Variants in UBE2E2 observed in about 807,000 individuals in gnomAD.
The protein encoded by UBE2E2 is ubiquitin-conjugating enzyme E2 E2.
In UBE2E2, 6 loss-of-function variants were observed where a neutral mutation model predicts 24.7. The observed-to-expected ratio is 0.24, with a 90% CI of 0.13 to 0.48. UBE2E2 has a LOEUF of 0.48. UBE2E2 is among the 20% of genes least tolerant of loss of function. The probability of loss-of-function intolerance (pLI) is 0.99; values close to 1 mark genes in which losing one functional copy is unlikely to be tolerated. For missense variants in UBE2E2, 169 were observed against 245.0 expected, an observed-to-expected ratio of 0.69 and a Z score of 2.07; for synonymous variants, 104 against 83.6, an observed-to-expected ratio of 1.24 and a Z score of -1.33.
At chr3:23,354,630 G>T (rs1291490736) in intron 3 of UBE2E2, among the ~76,000 whole-genome samples, 3 of 152,200 alleles carry the variant, frequency 2.0e-5, no homozygotes, top group Non-Finnish European at 4.4e-5. Context: ...GTGAAAAAAT[G>T]CTCACCATCA....
chr3:23,361,348 A>C (rs997468996), intron 3 of UBE2E2, among the ~76,000 whole-genome samples: 3 of 152,100 alleles, frequency 2.0e-5, no homozygotes, highest in Middle Eastern at 3.4e-3. Flanking sequence ...AAGGAAAATA[A>C]GTCATTATGT....
At chr3:23,543,168 T>C (rs879717856) in intron 5 of UBE2E2, among the ~76,000 whole-genome samples, 8 of 152,012 alleles carry the variant, frequency 5.3e-5, no homozygotes, top group Non-Finnish European at 1.0e-4. Context: ...AACAAACACT[T>C]TTACCACTTC....
chr3:23,264,241 C>G (rs563287170), intron 3 of UBE2E2, among the ~76,000 whole-genome samples: 12 of 151,290 alleles, frequency 7.9e-5, no homozygotes, highest in Non-Finnish European at 1.5e-4. Context: ...ATAAGTGTCC[C>G]AAGTGGAAGA....
chr3:23,418,531 C>G (rs1268434280), intron 3 of UBE2E2, among the ~76,000 whole-genome samples: 1 of 152,156 alleles, frequency 6.6e-6, no homozygotes, highest in African/African-American at 2.4e-5. Flanking sequence ...TTAGTAAAGA[C>G]GGGGTTTTAC....
At chr3:23,351,792 T>G (rs1695760066) in intron 3 of UBE2E2, among the ~76,000 whole-genome samples, 1 of 152,086 alleles carries the variant, frequency 6.6e-6, no homozygotes, top group South Asian at 2.1e-4. Context: ...ATGGGAGACT[T>G]TAACACCCCG....
intron 3 of UBE2E2, among the ~76,000 whole-genome samples, chr3:23,253,924 T>G (rs1161460877): frequency 6.6e-6 from 1 of 152,166 alleles, no homozygotes; most frequent in East Asian, 1.9e-4. Flanking sequence ...TGATCTTTCT[T>G]CTGACCTCTC....
chr3:23,223,968 T>G (rs1350212080), intron 3 of UBE2E2, among the ~76,000 whole-genome samples: 1 of 152,172 alleles, frequency 6.6e-6, no homozygotes, highest in Admixed American at 6.5e-5. Context: ...ATGCGTGGAT[T>G]TATACCTGAG....
intron 4 of UBE2E2, among the ~76,000 whole-genome samples, chr3:23,518,301 A>T (rs1190711854): frequency 1.3e-5 from 2 of 152,204 alleles, no homozygotes; most frequent in Non-Finnish European, 2.9e-5. Flanking sequence ...GAAGAGAGAG[A>T]TTGCCTGGGA....
chr3:23,399,536 T>A (rs1697166019), intron 3 of UBE2E2, among the ~76,000 whole-genome samples: 1 of 152,198 alleles, frequency 6.6e-6, no homozygotes, highest in African/African-American at 2.4e-5. Context: ...TTTTGCCATT[T>A]TAATGACAAA....
At chr3:23,481,426 C>T (rs1041591315) in intron 3 of UBE2E2, among the ~76,000 whole-genome samples, 1 of 152,210 alleles carries the variant, frequency 6.6e-6, no homozygotes, top group Non-Finnish European at 1.5e-5. Flanking sequence ...TTGGTGCCTT[C>T]AGAGCTTTGC....
chr3:23,352,711 A>G (rs1292186509), intron 3 of UBE2E2, among the ~76,000 whole-genome samples: 28 of 152,188 alleles, frequency 1.8e-4, no homozygotes, highest in African/African-American at 2.4e-4. Flanking sequence ...GAATAGACCA[A>G]TAACAGGCTC....
intron 3 of UBE2E2, among the ~76,000 whole-genome samples, chr3:23,332,817 A>G (rs1472140528): frequency 6.6e-6 from 1 of 152,082 alleles, no homozygotes; most frequent in East Asian, 1.9e-4. Context: ...CTAGATGCCA[A>G]CCAAATGTGT....
chr3:23,501,044 T>A (rs1699709690), intron 4 of UBE2E2, among the ~76,000 whole-genome samples: 1 of 152,302 alleles, frequency 6.6e-6, no homozygotes, highest in African/African-American at 2.4e-5. Flanking sequence ...CTTTACTGGA[T>A]GGGACCCTTA....
At chr3:23,499,566 A>G (rs1011754) in intron 3 of UBE2E2, 42 bp from the exon 4 acceptor site, 51,305 of 1,578,664 alleles carry the variant, frequency 0.032, 1,255 homozygotes, top group East Asian at 0.14. Context: ...TCCAGCCTTT[A>G]TGTAATTTCT....
intron 2 of UBE2E2, among the ~76,000 whole-genome samples, chr3:23,213,157 C>G (rs1358358115): frequency 6.6e-6 from 1 of 152,004 alleles, no homozygotes; most frequent in African/African-American, 2.4e-5. Context: ...AATTACTTTG[C>G]GAATCTGCGT....
At chr3:23,481,225 T>G (rs1699252642) in intron 3 of UBE2E2, among the ~76,000 whole-genome samples, 2 of 152,236 alleles carry the variant, frequency 1.3e-5, no homozygotes, top group Non-Finnish European at 2.9e-5. Flanking sequence ...TATTCTATTC[T>G]CAACCTTTTG....
intron 3 of UBE2E2, among the ~76,000 whole-genome samples, chr3:23,257,218 AATGGAATGG>A (rs1697749960): frequency 1.3e-5 from 2 of 152,116 alleles, no homozygotes; most frequent in African/African-American, 4.8e-5. Flanking sequence ...TTATCATCTA[AATGGAATGG>A]ATGTAATGAC....
At chr3:23,522,318 G>C (rs1400637996) in intron 4 of UBE2E2, among the ~76,000 whole-genome samples, 1 of 152,002 alleles carries the variant, frequency 6.6e-6, no homozygotes, top group Non-Finnish European at 1.5e-5. Context: ...TTTTAGTAGA[G>C]ACAGGGTTTC....
At chr3:23,477,931 T>A (rs577199788) in intron 3 of UBE2E2, among the ~76,000 whole-genome samples, 3 of 152,344 alleles carry the variant, frequency 2.0e-5, no homozygotes, top group East Asian at 3.9e-4. Context: ...TCCTCACCCT[T>A]CTCTCTCCTG....
Sources: gnomAD v4.1 joint callset for allele counts (sites outside exome capture counted in the v4.1 genomes callset) on GRCh38, gnomAD v4.1.1 for gene constraint, MANE v1.5 for transcripts, NCBI Gene and HGNC (gene_info 2026-07-23, HGNC 2026-07-21) for gene names.